The following CACNA1C variants were observed in gnomAD, a reference collection of about 807,000 sequenced individuals.
CACNA1C encodes voltage-dependent L-type calcium channel subunit alpha-1C.
In CACNA1C, 30 loss-of-function variants were observed where a neutral mutation model predicts 229.0. The ratio of observed to expected loss-of-function variants is 0.13; its 90% CI spans 0.10 to 0.18. CACNA1C has a LOEUF of 0.18. Among genes scored for constraint, CACNA1C ranks in the 10% least tolerant of loss-of-function variants. The pLI, the probability that CACNA1C is intolerant of heterozygous loss-of-function variation, is 1.00. For missense variants in CACNA1C, 1,658 were observed against 2,845.0 expected, an observed-to-expected ratio of 0.58 and a Z score of 9.49; for synonymous variants, 1,114 against 1,132.5, an observed-to-expected ratio of 0.98 and a Z score of 0.33.
chr12:2,430,868 C>G (rs528011188), intron 3 of CACNA1C, among the ~76,000 whole-genome samples: 18 of 152,232 alleles, frequency 1.2e-4, no homozygotes, highest in Non-Finnish European at 2.5e-4. Context: ...CACTCTGTTT[C>G]TCCTCTGTTC....
chr12:2,465,766 C>T (rs775242900), intron 5 of CACNA1C, among the ~76,000 whole-genome samples: 5 of 152,070 alleles, frequency 3.3e-5, no homozygotes, highest in Admixed American at 3.3e-4. Flanking sequence ...ATCTTGAATT[C>T]CAGGGAGGTT....
rs116614513 is a variant in CACNA1C, at chr12:2,248,374, C to T, written c.477+127944C>T. On this transcript the variant is annotated intron_variant, in intron 3 of 46. Transcript: ENST00000399655. ...CCTTCCAGGGAACATTTCTCTGCAC[C>T]GGGCCAAGGACCCACGGGATCATCC... 2.0e-3 allele frequency among the ~76,000 whole-genome samples: 305 copies of T among 152,290 alleles called. 1 individual carries two copies. The highest frequency in any genetic ancestry group is 7.0e-3 in the African/African-American group (291 of 41,558).
In CACNA1C at chr12:2,159,292, T is replaced by C. The variant is rs1228877750; in HGVS notation, c.477+38862T>C. Among the ~76,000 whole-genome samples the C allele has an allele frequency of 2.0e-5, 3 of 152,082 alleles. No individual in the cohort carries two copies. The East Asian group carries it at 5.8e-4, about 30-fold the overall frequency. On this transcript the variant is annotated intron_variant, in intron 3 of 46. Transcript: ENST00000399655. ...GGAGGATTACTTGAGCCCAGGAGTT[T>C]GAGACCAGCCTGGACAACATGGCGA...
rs1289755501 is a variant in CACNA1C at position 2,275,642 on chromosome 12, C to T, written c.477+155212C>T. ...AAGCCCACAGCACCACTGGATCTTT[C>T]CCCTCTCTCTGTGAGAAGACGGCCA... On this transcript the variant is annotated intron_variant, in intron 3 of 46. Coordinates refer to ENST00000399655, the MANE Select transcript of CACNA1C (RefSeq NM_000719.7). This position sits in a 1 kb window ranked among gnomAD's most constrained non-coding sequence, Gnocchi z 4.1. 6.6e-6 allele frequency among the ~76,000 whole-genome samples: 1 copy of T among 152,184 alleles called. No individual in the cohort carries two copies. The highest frequency in any genetic ancestry group is 1.9e-4 in the East Asian group (1 of 5,186).
intron 13 of CACNA1C, among the ~76,000 whole-genome samples, chr12:2,573,879 A>G (rs1241732948): frequency 6.6e-6 from 1 of 152,258 alleles, no homozygotes; most frequent in African/African-American, 2.4e-5. Flanking sequence ...CAACTCATCC[A>G]TGATGCCTGA....
chr12:2,674,753 T>G, intron 39 of CACNA1C, 111 bp downstream of exon 39: 4 of 1,049,876 alleles, frequency 3.8e-6, no homozygotes, highest in Non-Finnish European at 5.5e-6. Context: ...CCCCTGAGAC[T>G]TGCTTCTTGA....
intron 1 of CACNA1C, among the ~76,000 whole-genome samples, chr12:2,106,914 G>A (rs2079088990): frequency 2.9e-5 from 2 of 69,738 alleles, no homozygotes; most frequent in African/African-American, 8.9e-5. Context: ...CGCCCACCCC[G>A]GGGAGGGTTT....
chr12:2,241,787 G>A (rs1399895370), intron 3 of CACNA1C, among the ~76,000 whole-genome samples: 1 of 152,218 alleles, frequency 6.6e-6, no homozygotes, highest in African/African-American at 2.4e-5. Flanking sequence ...CCATAAAGTG[G>A]AGATTTTTTG....
intron 1 of CACNA1C, among the ~76,000 whole-genome samples, chr12:2,105,547 C>T (rs767066989): frequency 9.2e-5 from 14 of 152,180 alleles, no homozygotes; most frequent in Admixed American, 3.9e-4. Context: ...TGCGGCATGG[C>T]GGCGGGCGCA....
intron 4 of CACNA1C, among the ~76,000 whole-genome samples, chr12:2,451,057 C>T (rs1312876750): frequency 6.6e-6 from 1 of 152,146 alleles, no homozygotes; most frequent in Non-Finnish European, 1.5e-5. Context: ...ATGAATGACG[C>T]ACTTTGGCCA....
intron 3 of CACNA1C, among the ~76,000 whole-genome samples, chr12:2,209,384 G>A (rs937988346): frequency 5.3e-5 from 8 of 152,140 alleles, no homozygotes; most frequent in Non-Finnish European, 8.8e-5. Context: ...AACTCACGGG[G>A]AGGAGTCATA....
At chr12:1,981,214 A>C (rs1434589404) in intron 1 of CACNA1C, among the ~76,000 whole-genome samples, 2 of 152,188 alleles carry the variant, frequency 1.3e-5, no homozygotes, top group Non-Finnish European at 2.9e-5. Flanking sequence ...AGCTGCTAAA[A>C]TCACTCACTG....
At position 2,106,133 on chromosome 12, in the gene CACNA1C, G is replaced by C. The variant is rs376432401; in HGVS notation, c.50-9091G>C. Among the ~76,000 whole-genome samples the C allele has an allele frequency of 2.8e-3, 81 of 28,496 alleles. 1 individual carries two copies. The highest frequency in any genetic ancestry group is 3.8e-3 in the African/African-American group (34 of 8,912). 18.7% of individuals were successfully genotyped at this position (28,496 alleles called of 152,430 possible). A position where few individuals can be genotyped will look rare whatever the true frequency, so the allele number is the denominator to read the frequency against. Reference sequence around the variant, plus strand: ...CCCACCCTGGAGAGGGTTTCCACCTGAGCTGGGCGTCCTGAAGCCACTGGG... The same window carrying C: ...CCCACCCTGGAGAGGGTTTCCACCTCAGCTGGGCGTCCTGAAGCCACTGGG... On this transcript the variant is annotated intron_variant, in intron 1 of 46. Coordinates refer to ENST00000399655, the MANE Select transcript of CACNA1C (RefSeq NM_000719.7).
intron 4 of CACNA1C, among the ~76,000 whole-genome samples, chr12:2,450,873 C>T (rs960429460): frequency 1.3e-5 from 2 of 152,142 alleles, no homozygotes; most frequent in African/African-American, 4.8e-5. Context: ...GAGCACCCGC[C>T]GTTCACCATC....
chr12:2,469,793 A>G (rs901851538), intron 5 of CACNA1C, among the ~76,000 whole-genome samples: 10 of 152,208 alleles, frequency 6.6e-5, no homozygotes, highest in African/African-American at 1.9e-4. Context: ...AAAATAATAT[A>G]TTTATTCACT....
intron 3 of CACNA1C, among the ~76,000 whole-genome samples, chr12:2,190,976 A>G (rs2097192845): frequency 6.6e-6 from 1 of 152,146 alleles, no homozygotes. Context: ...ATTTCCTGCA[A>G]GTCCCATTGG....
At position 2,678,563 on chromosome 12, in the gene CACNA1C, T is replaced by A. The variant is rs1470130046; in HGVS notation, c.5091+696T>A. Among the ~76,000 whole-genome samples, 1 of 152,250 alleles carries A rather than the reference T, an allele frequency of 6.6e-6. No homozygotes were observed. The highest frequency in any genetic ancestry group is 2.4e-5 in the African/African-American group (1 of 41,474). On this transcript the variant is annotated intron_variant, in intron 41 of 46. Coordinates refer to ENST00000399655, the MANE Select transcript of CACNA1C (RefSeq NM_000719.7). The surrounding 1 kb of genome is among the most constrained non-coding windows in gnomAD (Gnocchi z 4.1). ...AGGGAGAAGCTGCCAGCCATAATTG[T>A]GCAGGACCCTGCTCACACCGCTCTC...
At position 2,274,087 on chromosome 12, in the gene CACNA1C, A is replaced by G. The variant is rs185106018; in HGVS notation, c.477+153657A>G. Among the ~76,000 whole-genome samples, 120 of 152,292 alleles carry G rather than the reference A, an allele frequency of 7.9e-4. 1 individual carries two copies. Among genetic ancestry groups the G allele is most frequent in the African/African-American group, 2.8e-3 (118 of 41,550 alleles). ...GGTCGAAGGAGTGGCATAAGGTCCC[A>G]CTTGGGTGCTTGATAATGATCTAGA... is the stretch of plus-strand genomic sequence containing the variant. On this transcript the variant is annotated intron_variant, in intron 3 of 46. Transcript: ENST00000399655.
At position 2,440,846 on chromosome 12, in the gene CACNA1C, C is replaced by A. The variant is rs150433352; in HGVS notation, c.478-8130C>A. 3.1e-4 allele frequency among the ~76,000 whole-genome samples: 47 copies of A among 152,254 alleles called. No individual in the cohort carries two copies. The East Asian group carries it at 5.0e-3, about 16-fold the overall frequency. On this transcript the variant is annotated intron_variant, in intron 3 of 46. Coordinates refer to ENST00000399655, the MANE Select transcript of CACNA1C (RefSeq NM_000719.7). ...CAGCCTCTTACATTCTCCAACTCAT[C>A]GATGCGCTGAGAGGGCAATGCGGCA...
Sources: allele counts gnomAD v4.1 joint callset (sites outside exome capture counted in the v4.1 genomes callset), GRCh38; gene constraint gnomAD v4.1.1; non-coding constraint Gnocchi (gnomAD v3.1); transcripts MANE v1.5; gene names NCBI Gene and HGNC (gene_info 2026-07-23, HGNC 2026-07-21).